EPHA3: variants seen among roughly 807,000 people sequenced by gnomAD.
EPHA3 encodes EPH receptor A3.
In EPHA3, 42 loss-of-function variants were observed where a neutral mutation model predicts 107.1. The ratio of observed to expected loss-of-function variants is 0.39; its 90% CI spans 0.31 to 0.51. EPHA3 has a LOEUF of 0.51. Ranked by LOEUF, EPHA3 falls within the 20% of genes least tolerant of loss-of-function variation. The pLI, the probability that EPHA3 is intolerant of heterozygous loss-of-function variation, is 0.78. For missense variants in EPHA3, 1,183 were observed against 1,211.2 expected (o/e 0.98, Z 0.35); for synonymous variants, 461 against 424.8 (o/e 1.09, Z -1.05).
At chr3:89,130,517 CATATA>C (rs1040540886) in intron 2 of EPHA3, among the ~76,000 whole-genome samples, 1 of 151,858 alleles carries the variant, frequency 6.6e-6, no homozygotes, top group Non-Finnish European at 1.5e-5. Context: ...TTCATTCCTA[CATATA>C]ATTTCTTTTC....
chr3:89,313,408 C>T (rs1576305538), intron 3 of EPHA3, among the ~76,000 whole-genome samples: 1 of 151,960 alleles, frequency 6.6e-6, no homozygotes, highest in East Asian at 1.9e-4. Flanking sequence ...ATGTTTCGTT[C>T]TTCTGTTTTT....
intron 3 of EPHA3, among the ~76,000 whole-genome samples, chr3:89,291,862 T>C (rs200308074): frequency 6.6e-6 from 1 of 152,188 alleles, no homozygotes; most frequent in African/African-American, 2.4e-5. Flanking sequence ...AAACTTGTAA[T>C]CTATGATCCT....
In EPHA3 at chr3:89,352,988, G is replaced by C. The variant is rs1015317403; in HGVS notation, c.1306+10898G>C. Reference sequence around the variant, plus strand: ...CATTTGATAAAGAAAATATTTCTAAGTTTTCTGTAGTTTCATTCTGGAATA... The same window carrying C: ...CATTTGATAAAGAAAATATTTCTAACTTTTCTGTAGTTTCATTCTGGAATA... On this transcript the variant is annotated intron_variant, in intron 5 of 16. Coordinates refer to ENST00000336596, the MANE Select transcript of EPHA3 (RefSeq NM_005233.6). Among the ~76,000 whole-genome samples the C allele has an allele frequency of 4.7e-5, 7 of 148,090 alleles. 1 individual carries two copies. Among genetic ancestry groups the C allele is most frequent in the African/African-American group, 7.6e-5 (3 of 39,546 alleles).
intron 1 of EPHA3, among the ~76,000 whole-genome samples, chr3:89,122,842 C>A (rs1393958988): frequency 6.6e-6 from 1 of 152,066 alleles, no homozygotes; most frequent in Non-Finnish European, 1.5e-5. Context: ...TAGTTTGTTC[C>A]TTTTACTAAG....
At chr3:89,246,230 C>T (rs540508061) in intron 3 of EPHA3, among the ~76,000 whole-genome samples, 1 of 152,118 alleles carries the variant, frequency 6.6e-6, no homozygotes, top group Admixed American at 6.5e-5. Context: ...ACTTCCAGTG[C>T]AGTATGGAAA....
chr3:89,149,676 T>C (rs941743818), intron 2 of EPHA3, among the ~76,000 whole-genome samples: 1 of 137,002 alleles, frequency 7.3e-6, no homozygotes, highest in Non-Finnish European at 1.6e-5. Flanking sequence ...ATGTTCCCCT[T>C]CCTGTGTCCA....
intron 3 of EPHA3, among the ~76,000 whole-genome samples, chr3:89,234,651 G>T (rs1201712379): frequency 6.6e-6 from 1 of 151,932 alleles, no homozygotes; most frequent in East Asian, 1.9e-4. Flanking sequence ...GTGTTTGGAG[G>T]GGATTTATTT....
chr3:89,149,973 G>T (rs571651168), intron 2 of EPHA3, among the ~76,000 whole-genome samples: 76 of 152,004 alleles, frequency 5.0e-4, no homozygotes, highest in African/African-American at 1.7e-3. Context: ...ATATATTTCT[G>T]TGTACAAGTA....
intron 3 of EPHA3, among the ~76,000 whole-genome samples, chr3:89,339,635 C>T (rs1460982403): frequency 1.3e-5 from 2 of 152,060 alleles, no homozygotes; most frequent in Non-Finnish European, 2.9e-5. Context: ...AGATAGTCTA[C>T]CATGGATATA....
At chr3:89,408,672 T>G (rs1295512942) in intron 9 of EPHA3, among the ~76,000 whole-genome samples, 2 of 152,154 alleles carry the variant, frequency 1.3e-5, no homozygotes, top group South Asian at 2.1e-4. Context: ...TTTTAATTTT[T>G]TTTAAATACA....
intron 1 of EPHA3, among the ~76,000 whole-genome samples, chr3:89,110,988 C>T (rs1707092728): frequency 6.6e-6 from 1 of 151,918 alleles, no homozygotes; most frequent in African/African-American, 2.4e-5. Flanking sequence ...ATTGGATTAA[C>T]ATTTACCTAG....
intron 13 of EPHA3, among the ~76,000 whole-genome samples, chr3:89,443,011 T>C (rs551914316): frequency 1.3e-5 from 2 of 152,316 alleles, no homozygotes; most frequent in African/African-American, 4.8e-5. Context: ...AGTAAAATCA[T>C]ACATAGATGT....
chr3:89,312,948 G>C (rs1239494994), intron 3 of EPHA3, among the ~76,000 whole-genome samples: 1 of 151,950 alleles, frequency 6.6e-6, no homozygotes, highest in Non-Finnish European at 1.5e-5. Context: ...ATATTCCCTG[G>C]TATATATGTA....
At chr3:89,132,627 T>C (rs1395286476) in intron 2 of EPHA3, among the ~76,000 whole-genome samples, 6 of 152,138 alleles carry the variant, frequency 3.9e-5, no homozygotes, top group Non-Finnish European at 5.9e-5. Context: ...CCCAGCGCTT[T>C]GAGAGACCAA....
At chr3:89,325,052 G>A (rs764932410) in intron 3 of EPHA3, among the ~76,000 whole-genome samples, 10 of 152,050 alleles carry the variant, frequency 6.6e-5, no homozygotes, top group Non-Finnish European at 1.0e-4. Context: ...TTATGGTTGC[G>A]TGGTGTCCCA....
intron 13 of EPHA3, among the ~76,000 whole-genome samples, chr3:89,448,122 C>T (rs368528289): frequency 2.0e-5 from 3 of 152,106 alleles, no homozygotes. Flanking sequence ...CTTGGCTCCA[C>T]GTTCCACATT....
At position 89,134,211 on chromosome 3, in the gene EPHA3, CT is replaced by C. The variant is rs79688748; in HGVS notation, c.153+6951del. 9.9e-3 allele frequency among the ~76,000 whole-genome samples: 1,434 copies of C among 145,472 alleles called. 7 individuals are homozygous for C. Among genetic ancestry groups the C allele is most frequent in the Middle Eastern group, 0.036 (10 of 280 alleles). On this transcript the variant is annotated intron_variant, in intron 2 of 16. Coordinates refer to ENST00000336596, the MANE Select transcript of EPHA3 (RefSeq NM_005233.6). Reference sequence around the variant, plus strand: ...CTCTCAGCTGGTCCTTGTCAACTTTCTTTTTTTTTTTTTAAAAAAATTATAC... The same window carrying C: ...CTCTCAGCTGGTCCTTGTCAACTTTCTTTTTTTTTTTTAAAAAAATTATAC...
rs1576400859 is a variant in EPHA3 at position 89,480,336 on chromosome 3, A to G, written c.*834A>G. On this transcript the variant is annotated 3_prime_UTR_variant, in exon 17 of 17. Coordinates refer to ENST00000336596, the MANE Select transcript of EPHA3 (RefSeq NM_005233.6). ...AAAAAATGAAATCCTTTTCCTGTTC[A>G]TACACTAACCAAATCTCTCAAATCT... 2 of 233,230 alleles carry G rather than the reference A, an allele frequency of 8.6e-6. No homozygotes were observed. The highest frequency in any genetic ancestry group is 1.2e-4 in the East Asian group (2 of 16,452). 14.4% of individuals were successfully genotyped at this position (233,230 alleles called of 1,614,324 possible). A position where few individuals can be genotyped will look rare whatever the true frequency, so the allele number is the denominator to read the frequency against.
intron 2 of EPHA3, among the ~76,000 whole-genome samples, chr3:89,150,059 ATTT>A (rs1320139921): frequency 6.6e-6 from 1 of 151,984 alleles, no homozygotes; most frequent in Non-Finnish European, 1.5e-5. Context: ...TTGTACATCC[ATTT>A]CCTTGTATCT....
Sources: allele counts gnomAD v4.1 joint callset (sites outside exome capture counted in the v4.1 genomes callset), GRCh38; gene constraint gnomAD v4.1.1; transcripts MANE v1.5; gene names NCBI Gene and HGNC (gene_info 2026-07-23, HGNC 2026-07-21).